The following PTPRD variants were observed in gnomAD, a reference collection of about 807,000 sequenced individuals.
PTPRD encodes the protein protein tyrosine phosphatase receptor type D, also known as receptor-type tyrosine-protein phosphatase delta.
PTPRD carries 34 observed loss-of-function variants against 214.5 expected under a neutral mutation model. That is an observed-to-expected ratio of 0.16 (90% CI 0.12 to 0.21). PTPRD has a LOEUF of 0.21. Ranked by LOEUF, PTPRD falls within the 10% of genes least tolerant of loss-of-function variation. PTPRD has a pLI of 1.00. For missense variants in PTPRD, 2,545 were observed against 2,398.7 expected (o/e 1.06, Z -1.27); for synonymous variants, 1,128 against 845.7 (o/e 1.33, Z -5.79).
chr9:8,647,794 C>G (rs943313096), intron 12 of PTPRD, among the ~76,000 whole-genome samples: 4 of 152,196 alleles, frequency 2.6e-5, no homozygotes, highest in African/African-American at 9.7e-5. Context: ...TAACTTAATA[C>G]TTTATCATTG....
intron 9 of PTPRD, among the ~76,000 whole-genome samples, chr9:9,230,265 G>T (rs2099962271): frequency 6.6e-6 from 1 of 152,074 alleles, no homozygotes; most frequent in Non-Finnish European, 1.5e-5. Flanking sequence ...AGAGGAGGTA[G>T]GTAGGAGAAA....
At chr9:8,884,884 C>G (rs540203183) in intron 11 of PTPRD, among the ~76,000 whole-genome samples, 3 of 152,252 alleles carry the variant, frequency 2.0e-5, no homozygotes, top group South Asian at 4.1e-4. Flanking sequence ...TACTGCACAT[C>G]TGGATTATAG....
intron 3 of PTPRD, among the ~76,000 whole-genome samples, chr9:10,158,901 G>A (rs1219831545): frequency 6.6e-6 from 1 of 152,112 alleles, no homozygotes; most frequent in Non-Finnish European, 1.5e-5. Context: ...GACAATATGG[G>A]GAGGTGGAAC....
chr9:9,765,392 A>C (rs1463801620), intron 6 of PTPRD, among the ~76,000 whole-genome samples: 1 of 152,172 alleles, frequency 6.6e-6, no homozygotes, highest in African/African-American at 2.4e-5. Context: ...GATAGTATAT[A>C]TGCCTACATT....
intron 10 of PTPRD, among the ~76,000 whole-genome samples, chr9:9,174,442 C>A (rs894241480): frequency 2.0e-5 from 3 of 152,124 alleles, no homozygotes; most frequent in Non-Finnish European, 4.4e-5. Context: ...TATACATACT[C>A]CTATTGGCTC....
At chr9:10,136,591 A>G (rs1216138956) in intron 3 of PTPRD, among the ~76,000 whole-genome samples, 1 of 137,588 alleles carries the variant, frequency 7.3e-6, no homozygotes. Flanking sequence ...TAAAACCATA[A>G]AAACCCTAGA....
rs141298533 is a variant in PTPRD, at chr9:8,353,149, T to A, written c.4662-11171A>T. ...TAAAAGAAAAAGGCTATTATCGTTA[T>A]TTAAATGGTATTGTCCAATAGTTTG... On this transcript the variant is annotated intron_variant, in intron 39 of 45. Transcript: ENST00000381196. 5.9e-5 allele frequency among the ~76,000 whole-genome samples: 9 copies of A among 152,310 alleles called. No individual in the cohort carries two copies. The East Asian group carries it at 1.7e-3, about 29-fold the overall frequency.
At chr9:8,415,614 C>T (rs2093875900) in intron 35 of PTPRD, among the ~76,000 whole-genome samples, 1 of 151,846 alleles carries the variant, frequency 6.6e-6, no homozygotes, top group Non-Finnish European at 1.5e-5. Flanking sequence ...TACGTGTCTC[C>T]AAATGTAATA....
chr9:10,316,148 T>C (rs980283747), intron 3 of PTPRD, among the ~76,000 whole-genome samples: 4 of 141,304 alleles, frequency 2.8e-5, no homozygotes, highest in Non-Finnish European at 6.0e-5. Flanking sequence ...CACATACATA[T>C]GTATATATGT....
chr9:9,195,088 A>ATATATATATATATG (rs2099937610), intron 9 of PTPRD, among the ~76,000 whole-genome samples: 1 of 119,920 alleles, frequency 8.3e-6, no homozygotes, highest in Non-Finnish European at 1.8e-5. Context: ...GTGTTTGTGT[A>ATATATATATATATG]TATATATATA....
chr9:9,928,663 T>C (rs1347893440), intron 5 of PTPRD, among the ~76,000 whole-genome samples: 35 of 152,024 alleles, frequency 2.3e-4, no homozygotes. Flanking sequence ...ATTTGTAAAC[T>C]CGACTAGTGA....
intron 8 of PTPRD, among the ~76,000 whole-genome samples, chr9:9,571,331 A>G (rs1400800418): frequency 6.6e-6 from 1 of 151,386 alleles, no homozygotes; most frequent in Non-Finnish European, 1.5e-5. Flanking sequence ...CTCTCTATAT[A>G]TATCTCACAA....
intron 9 of PTPRD, among the ~76,000 whole-genome samples, chr9:9,395,352 G>A (rs961990804): frequency 6.6e-6 from 1 of 152,092 alleles, no homozygotes; most frequent in Non-Finnish European, 1.5e-5. Context: ...CCAGGGAGCT[G>A]AAGCATCAAA....
intron 3 of PTPRD, among the ~76,000 whole-genome samples, chr9:10,111,242 T>C (rs1310499606): frequency 2.3e-5 from 3 of 130,940 alleles, no homozygotes; most frequent in South Asian, 2.7e-4. Flanking sequence ...TTTTTTTTTT[T>C]TTTTTTTTTT....
At chr9:9,133,797 A>C (rs1475754805) in intron 10 of PTPRD, among the ~76,000 whole-genome samples, 1 of 152,156 alleles carries the variant, frequency 6.6e-6, no homozygotes, top group East Asian at 1.9e-4. Context: ...ACAGGGGCTG[A>C]GCTGCCTGTG....
rs1018799067 is a variant in PTPRD, at chr9:10,016,312, G to A, written c.-472+17406C>T. Among the ~76,000 whole-genome samples the A allele has an allele frequency of 4.6e-5, 7 of 152,182 alleles. 1 individual carries two copies. Among genetic ancestry groups the A allele is most frequent in the African/African-American group, 1.4e-4 (6 of 41,510 alleles). On this transcript the variant is annotated intron_variant, in intron 4 of 45. Coordinates refer to ENST00000381196, the MANE Select transcript of PTPRD (RefSeq NM_002839.4). ...AGTGAGTTATAACTATTTGAATAAA[G>A]TAGCCATCCGTGTGTCCAGGGAAAT... is the stretch of plus-strand genomic sequence containing the variant.
chr9:8,327,404 T>G (rs1461654230), intron 44 of PTPRD, among the ~76,000 whole-genome samples: 1 of 151,932 alleles, frequency 6.6e-6, no homozygotes, highest in Admixed American at 6.6e-5. Context: ...AGAGACTGTT[T>G]GTTATGATTT....
intron 9 of PTPRD, among the ~76,000 whole-genome samples, chr9:9,313,722 A>T (rs892549638): frequency 1.4e-4 from 22 of 152,202 alleles, no homozygotes; most frequent in African/African-American, 5.3e-4. Context: ...AGGGCTTCTG[A>T]TAAAAATTTA....
At chr9:8,336,565 C>T (rs1846963218) in intron 43 of PTPRD, among the ~76,000 whole-genome samples, 4 of 137,030 alleles carry the variant, frequency 2.9e-5, no homozygotes, top group African/African-American at 1.1e-4. Context: ...ACACCAAAAG[C>T]AATGGCAACT....
Sources: allele counts gnomAD v4.1 joint callset (sites outside exome capture counted in the v4.1 genomes callset), GRCh38; gene constraint gnomAD v4.1.1; transcripts MANE v1.5; gene names NCBI Gene and HGNC (gene_info 2026-07-23, HGNC 2026-07-21).